EXOC4: variants seen among roughly 807,000 people sequenced by gnomAD.
EXOC4 encodes SEC8-like 1.
In EXOC4, 71 loss-of-function variants were observed where a neutral mutation model predicts 107.2. The observed-to-expected ratio is 0.66, with a 90% CI of 0.55 to 0.81. The LOEUF (loss-of-function observed/expected upper bound fraction) is 0.81. Ranked by LOEUF, EXOC4 falls within the 30% of genes least tolerant of loss-of-function variation. The pLI is 0.00. For missense variants in EXOC4, 1,108 were observed against 1,189.6 expected, an observed-to-expected ratio of 0.93 and a Z score of 1.01; for synonymous variants, 456 against 441.2, an observed-to-expected ratio of 1.03 and a Z score of -0.42.
intron 5 of EXOC4, among the ~76,000 whole-genome samples, chr7:133,340,953 A>G (rs975658157): frequency 4.0e-5 from 6 of 151,882 alleles, no homozygotes; most frequent in African/African-American, 9.7e-5. Flanking sequence ...AATTTTTTCT[A>G]TCTTTTCAAA....
At chr7:133,471,298 G>A (rs1483810944) in intron 7 of EXOC4, among the ~76,000 whole-genome samples, 2 of 151,890 alleles carry the variant, frequency 1.3e-5, no homozygotes, top group Non-Finnish European at 2.9e-5. Flanking sequence ...TGTAATCCCT[G>A]CTACTCGGGA....
chr7:133,426,001 C>T (rs977638033), intron 7 of EXOC4, among the ~76,000 whole-genome samples: 2 of 152,172 alleles, frequency 1.3e-5, no homozygotes, highest in East Asian at 1.9e-4. Flanking sequence ...AACTGCACCT[C>T]GACCACCTTG....
chr7:133,698,154 G>C (rs1217208732), intron 10 of EXOC4, among the ~76,000 whole-genome samples: 2 of 151,876 alleles, frequency 1.3e-5, no homozygotes, highest in Admixed American at 1.3e-4. Context: ...TGTGACCTTG[G>C]TTGTGTTGTG....
chr7:133,306,448 A>G (rs1382752682), intron 4 of EXOC4, among the ~76,000 whole-genome samples: 1 of 152,144 alleles, frequency 6.6e-6, no homozygotes, highest in Non-Finnish European at 1.5e-5. Context: ...TTGTAATCCC[A>G]GCACTATGAG....
chr7:134,007,747 A>G lies in EXOC4; in HGVS notation c.2599A>G (p.Ile867Val), dbSNP rs1285745918. Residue 867 changes from isoleucine to valine, a missense_variant, in exon 17 of 18, where the codon ATC becomes GTC. Ile to Val is a conservative substitution (Grantham distance 29). Coordinates refer to ENST00000253861, the MANE Select transcript of EXOC4 (RefSeq NM_021807.4). Reference protein sequence around the residue: ...QYFRRISESGIKKMCRNIFVL... With the variant: ...QYFRRISESGVKKMCRNIFVL... ...CTTCAGGCGCATCAGTGAGTCTGGC[A>G]TCAAGAAAATGTGTAGGAACATTTT... 3 of 1,613,634 alleles carry G rather than the reference A, an allele frequency of 1.9e-6. No homozygotes were observed. Among genetic ancestry groups the G allele is most frequent in the Non-Finnish European group, 2.5e-6 (3 of 1,179,750 alleles).
chr7:133,274,932 A>G (rs751820309), intron 1 of EXOC4, 50 bp from the exon 2 acceptor site: 11 of 1,379,240 alleles, frequency 8.0e-6, no homozygotes, highest in African/African-American at 1.4e-5. Flanking sequence ...TTTCTTTTGC[A>G]TTTTACTTTC....
At chr7:133,916,480 G>A (rs1444523285) in intron 12 of EXOC4, among the ~76,000 whole-genome samples, 1 of 143,340 alleles carries the variant, frequency 7.0e-6, no homozygotes, top group East Asian at 2.0e-4. Context: ...TGTTGCCGAG[G>A]CCAGTCTTGA....
intron 10 of EXOC4, among the ~76,000 whole-genome samples, chr7:133,731,723 TA>T (rs1355165781): frequency 2.0e-5 from 3 of 152,136 alleles, no homozygotes; most frequent in African/African-American, 7.2e-5. Context: ...ATGGGTATAA[TA>T]AAAGCTTGTT....
chr7:133,628,538 A>G (rs1802511189), intron 9 of EXOC4, among the ~76,000 whole-genome samples: 1 of 152,232 alleles, frequency 6.6e-6, no homozygotes, highest in Admixed American at 6.5e-5. Context: ...GAGAGAGGTC[A>G]GAGATTACAT....
chr7:133,388,343 C>G (rs1244518963), intron 7 of EXOC4, among the ~76,000 whole-genome samples: 2 of 152,194 alleles, frequency 1.3e-5, no homozygotes, highest in East Asian at 3.9e-4. Flanking sequence ...TAAGAACTCT[C>G]TTTTTAAAAT....
At chr7:133,919,582 T>C (rs1485963804) in intron 13 of EXOC4, among the ~76,000 whole-genome samples, 1 of 152,194 alleles carries the variant, frequency 6.6e-6, no homozygotes, top group African/African-American at 2.4e-5. Flanking sequence ...GATCTTTTTA[T>C]TGTCTCCATA....
chr7:133,961,609 C>T (rs1266991388), intron 14 of EXOC4, among the ~76,000 whole-genome samples: 2 of 152,236 alleles, frequency 1.3e-5, no homozygotes, highest in East Asian at 3.9e-4. Context: ...AACTTCTAAT[C>T]TCCAGAATTG....
intron 11 of EXOC4, among the ~76,000 whole-genome samples, chr7:133,822,062 C>T (rs2151222112): frequency 6.6e-6 from 1 of 152,312 alleles, no homozygotes; most frequent in Admixed American, 6.5e-5. Context: ...ATCTCATGGT[C>T]TTACCATTTG....
At chr7:133,822,228 T>A (rs1797538071) in intron 11 of EXOC4, among the ~76,000 whole-genome samples, 1 of 152,242 alleles carries the variant, frequency 6.6e-6, no homozygotes, top group African/African-American at 2.4e-5. Context: ...TCCATTGAAG[T>A]GGATACCATC....
chr7:133,463,165 G>A (rs1798635256), intron 7 of EXOC4, among the ~76,000 whole-genome samples: 1 of 152,168 alleles, frequency 6.6e-6, no homozygotes, highest in Admixed American at 6.5e-5. Flanking sequence ...TGGACATGAA[G>A]TGTGTAGTAT....
At chr7:133,470,234 T>TA (rs899138619) in intron 7 of EXOC4, among the ~76,000 whole-genome samples, 43 of 151,972 alleles carry the variant, frequency 2.8e-4, no homozygotes, top group Non-Finnish European at 4.6e-4. Flanking sequence ...CATATTTATT[T>TA]AAAAAAAACC....
At chr7:133,679,538 GTCCGTCCATCCATCCA>G (rs1275621185) in intron 10 of EXOC4, among the ~76,000 whole-genome samples, 4 of 143,048 alleles carry the variant, frequency 2.8e-5, no homozygotes, top group African/African-American at 7.9e-5. Flanking sequence ...CCATCCGTCC[GTCCGTCCATCCATCCA>G]TCCATCCATC....
intron 10 of EXOC4, among the ~76,000 whole-genome samples, chr7:133,709,370 A>G (rs1794836007): frequency 6.6e-6 from 1 of 152,220 alleles, no homozygotes; most frequent in Admixed American, 6.5e-5. Context: ...GCATCCTGCA[A>G]ACTGGCAAAC....
chr7:133,775,361 C>G (rs1796324500), intron 10 of EXOC4, among the ~76,000 whole-genome samples: 1 of 152,202 alleles, frequency 6.6e-6, no homozygotes, highest in South Asian at 2.1e-4. Flanking sequence ...GAAATGACGT[C>G]AAGCCACCTG....
Sources: gnomAD v4.1 joint callset for allele counts (sites outside exome capture counted in the v4.1 genomes callset) on GRCh38, gnomAD v4.1.1 for gene constraint, MANE v1.5 for transcripts, NCBI Gene and HGNC (gene_info 2026-07-23, HGNC 2026-07-21) for gene names.